Variants in RANBP2 observed in about 807,000 individuals in gnomAD.
RANBP2 encodes the protein RAN binding protein 2.
Under a neutral mutation model 303.6 loss-of-function variants are expected in RANBP2, and 57 were observed. The ratio of observed to expected loss-of-function variants is 0.19; its 90% CI spans 0.15 to 0.23. RANBP2 has a LOEUF of 0.23. Ranked by LOEUF, RANBP2 falls within the 10% of genes least tolerant of loss-of-function variation. RANBP2 has a pLI of 1.00. For missense variants in RANBP2, 3,138 were observed against 3,780.8 expected, an observed-to-expected ratio of 0.83 and a Z score of 4.46; for synonymous variants, 1,167 against 1,301.5, an observed-to-expected ratio of 0.90 and a Z score of 2.23.
At chr2:109,571,501 T>G in the RANBP2 span, among the ~76,000 whole-genome samples, 52 of 152,324 alleles carry the variant, frequency 3.4e-4, no homozygotes, top group African/African-American at 1.2e-3. Flanking sequence ...GGTAAGTGTG[T>G]GTATGTAGGC....
chr2:108,806,006 A>T, the RANBP2 span, among the ~76,000 whole-genome samples: 26 of 81,240 alleles, frequency 3.2e-4, no homozygotes, highest in Admixed American at 4.2e-3. Flanking sequence ...TAAGCCTCAG[A>T]CTCTCCTAGA....
the RANBP2 span, among the ~76,000 whole-genome samples, chr2:109,295,266 T>G: frequency 6.6e-6 from 1 of 152,198 alleles, no homozygotes; most frequent in African/African-American, 2.4e-5. Context: ...GGGCCTGCGG[T>G]GGCTCCAGGA....
the RANBP2 span, among the ~76,000 whole-genome samples, chr2:109,764,014 C>T: frequency 2.1e-5 from 3 of 144,188 alleles, no homozygotes. Context: ...TTCTTGCACG[C>T]TCTTCCTGCC....
At chr2:109,310,139 A>G in the RANBP2 span, among the ~76,000 whole-genome samples, 50 of 71,184 alleles carry the variant, frequency 7.0e-4, 1 homozygote, top group Non-Finnish European at 8.0e-4. Flanking sequence ...ATAACAAACT[A>G]TCTCTCAGAC....
At chr2:109,547,369 GTTTTTTT>G in the RANBP2 span, among the ~76,000 whole-genome samples, 15 of 117,874 alleles carry the variant, frequency 1.3e-4, no homozygotes, top group Non-Finnish European at 1.6e-4. Context: ...TAATAAACTT[GTTTTTTT>G]TTTTTTTTTT....
the RANBP2 span, among the ~76,000 whole-genome samples, chr2:109,644,323 C>T: frequency 6.6e-6 from 1 of 151,948 alleles, no homozygotes; most frequent in Non-Finnish European, 1.5e-5. Context: ...AAATCAGACT[C>T]CAGTCTCCTG....
chr2:109,428,554 C>T, the RANBP2 span, among the ~76,000 whole-genome samples: 1 of 152,244 alleles, frequency 6.6e-6, no homozygotes. Context: ...GCGGCCACTT[C>T]TGCCTGGAGG....
At chr2:109,650,966 C>T in the RANBP2 span, among the ~76,000 whole-genome samples, 1 of 152,112 alleles carries the variant, frequency 6.6e-6, no homozygotes, top group South Asian at 2.1e-4. Flanking sequence ...GGGACAGTCC[C>T]CAGTGGTGCA....
chr2:109,268,194 C>T, the RANBP2 span, among the ~76,000 whole-genome samples: 2 of 152,068 alleles, frequency 1.3e-5, no homozygotes, highest in East Asian at 3.9e-4. Flanking sequence ...GATGGGCAGG[C>T]TAGAATAGGT....
At chr2:109,594,762 G>A in the RANBP2 span, 2 of 152,180 alleles carry the variant, frequency 1.3e-5, no homozygotes, top group Admixed American at 1.3e-4. Context: ...CACATACACA[G>A]TGAATAAATC....
chr2:109,678,631 C>T, the RANBP2 span, among the ~76,000 whole-genome samples: 1 of 152,238 alleles, frequency 6.6e-6, no homozygotes, highest in Non-Finnish European at 1.5e-5. Context: ...AAAAGGCACA[C>T]ATGAATTTAA....
At chr2:109,652,564 C>T in the RANBP2 span, among the ~76,000 whole-genome samples, 19 of 152,116 alleles carry the variant, frequency 1.2e-4, no homozygotes, top group African/African-American at 4.1e-4. Context: ...ACCAAGGGAC[C>T]CCTACACAAC....
chr2:108,829,070 C>T, the RANBP2 span, among the ~76,000 whole-genome samples: 1 of 152,056 alleles, frequency 6.6e-6, no homozygotes. Flanking sequence ...GGAAAATCTT[C>T]ATGATATTAG....
At chr2:108,938,601 T>C in the RANBP2 span, among the ~76,000 whole-genome samples, 9 of 152,172 alleles carry the variant, frequency 5.9e-5, no homozygotes, top group Admixed American at 5.9e-4. Flanking sequence ...TTCTGTTTCA[T>C]TGAATGCCTC....
the RANBP2 span, among the ~76,000 whole-genome samples, chr2:109,339,699 C>A: frequency 6.6e-6 from 1 of 152,206 alleles, no homozygotes; most frequent in Non-Finnish European, 1.5e-5. Context: ...AAGTACTCCT[C>A]TAAGTACCCA....
At chr2:109,336,048 G>A in the RANBP2 span, among the ~76,000 whole-genome samples, 41 of 152,336 alleles carry the variant, frequency 2.7e-4, no homozygotes, top group Admixed American at 1.0e-3. Context: ...AAGCTTTAGC[G>A]TAGAAGGCAT....
the RANBP2 span, among the ~76,000 whole-genome samples, chr2:109,690,238 G>A: frequency 3.2e-4 from 48 of 152,294 alleles, no homozygotes; most frequent in African/African-American, 1.1e-3. Context: ...TTAGGGAGAC[G>A]GGAGACATCA....
intron 7 of RANBP2, among the ~76,000 whole-genome samples, chr2:108,742,327 C>T (rs1053507718): frequency 4.7e-5 from 7 of 149,670 alleles, no homozygotes; most frequent in African/African-American, 1.2e-4. Context: ...TTATTTGAGA[C>T]GGAGTCTCGC....
At chr2:109,536,756 T>C in the RANBP2 span, among the ~76,000 whole-genome samples, 11 of 152,144 alleles carry the variant, frequency 7.2e-5, no homozygotes, top group Non-Finnish European at 8.8e-5. Context: ...TTCCTACGTA[T>C]TGTGGGAGGA....
Sources: gnomAD v4.1 joint callset for allele counts (sites outside exome capture counted in the v4.1 genomes callset) on GRCh38, gnomAD v4.1.1 for gene constraint, MANE v1.5 for transcripts, NCBI Gene and HGNC (gene_info 2026-07-23, HGNC 2026-07-21) for gene names.